COL21A1: variants seen among roughly 807,000 people sequenced by gnomAD.
COL21A1 encodes collagen alpha-1(XXI) chain.
Under a neutral mutation model 137.9 loss-of-function variants are expected in COL21A1, and 149 were observed. The observed-to-expected ratio is 1.08, with a 90% CI of 0.95 to 1.24. The LOEUF (loss-of-function observed/expected upper bound fraction) is 1.24. COL21A1 is among the 50% of genes most tolerant of loss of function. The pLI is 0.00. For missense variants in COL21A1, 1,167 were observed against 1,158.4 expected (o/e 1.01, Z -0.11); for synonymous variants, 456 against 391.5 (o/e 1.16, Z -1.95).
chr6:56,329,010 C>G (rs1765162721), intron 1 of COL21A1, among the ~76,000 whole-genome samples: 1 of 152,054 alleles, frequency 6.6e-6, no homozygotes, highest in Non-Finnish European at 1.5e-5. Context: ...AGCCTGGATT[C>G]AAATCCCAAC....
chr6:56,119,201 CTAT>C (rs1382920403), intron 16 of COL21A1, among the ~76,000 whole-genome samples: 1 of 152,052 alleles, frequency 6.6e-6, no homozygotes, highest in African/African-American at 2.4e-5. Context: ...CACCAACAAA[CTAT>C]TAAACTGATA....
At chr6:56,064,475 T>C (rs2114055448) in intron 24 of COL21A1, 103 bp downstream of exon 24, 2 of 756,140 alleles carry the variant, frequency 2.6e-6, no homozygotes, top group East Asian at 2.7e-5. Context: ...TACTATATTG[T>C]CCTTCTCCCC....
At chr6:56,227,884 T>C (rs564427954) in intron 1 of COL21A1, among the ~76,000 whole-genome samples, 13 of 151,934 alleles carry the variant, frequency 8.6e-5, no homozygotes, top group Non-Finnish European at 1.9e-4. Context: ...TGAGAGGAAA[T>C]GGGTACATTC....
intron 1 of COL21A1, among the ~76,000 whole-genome samples, chr6:56,196,226 T>C (rs947677113): frequency 2.6e-5 from 4 of 152,104 alleles, no homozygotes; most frequent in South Asian, 2.1e-4. Context: ...AACTTCAAGA[T>C]AATAAAAGCC....
intron 1 of COL21A1, among the ~76,000 whole-genome samples, chr6:56,278,615 G>A (rs956288628): frequency 1.2e-4 from 18 of 152,136 alleles, no homozygotes; most frequent in African/African-American, 4.1e-4. Context: ...CATGCAGCAT[G>A]GTATATTTTA....
Position 56,204,564 on chromosome 6 carries a change from C to G in COL21A1, c.-38-21908G>C, listed in dbSNP as rs150723545. ...AGGCTGTGGGTGCAGCTTCAACATA[C>G]GTAAACATCCCTACTTGACAGCTCT... is the stretch of plus-strand genomic sequence containing the variant. On this transcript the variant is annotated intron_variant, in intron 1 of 29. Transcript: ENST00000244728. Among the ~76,000 whole-genome samples the G allele has an allele frequency of 7.8e-3, 1,195 of 152,284 alleles. 20 individuals carry two copies. Among genetic ancestry groups the G allele is most frequent in the African/African-American group, 0.027 (1,132 of 41,554 alleles).
chr6:56,370,252 C>T (rs964773800), intron 1 of COL21A1, among the ~76,000 whole-genome samples: 1 of 152,190 alleles, frequency 6.6e-6, no homozygotes, highest in African/African-American at 2.4e-5. Flanking sequence ...TTGCCTGATT[C>T]AGATCCCGAT....
intron 1 of COL21A1, among the ~76,000 whole-genome samples, chr6:56,283,904 T>C (rs1047188394): frequency 3.4e-5 from 5 of 148,740 alleles, no homozygotes; most frequent in African/African-American, 1.2e-4. Context: ...TCTCTCTCTC[T>C]CCAGCAGTAG....
intron 10 of COL21A1, among the ~76,000 whole-genome samples, chr6:56,147,024 T>G (rs946401967): frequency 1.3e-5 from 2 of 152,156 alleles, no homozygotes; most frequent in African/African-American, 4.8e-5. Context: ...GGTCCTTAAA[T>G]TCACAGAATT....
Position 56,060,938 on chromosome 6 carries a change from G to A in COL21A1, c.2305C>T (p.Pro769Ser), listed in dbSNP as rs769715793. The A allele has an allele frequency of 3.1e-6, 5 of 1,590,736 alleles. No individual in the cohort carries two copies. Among genetic ancestry groups the A allele is most frequent in the South Asian group, 1.1e-5 (1 of 87,708 alleles). ...LMGPAGPKGQPGDPGPQGPPG... is the reference protein window; with the variant it reads ...LMGPAGPKGQSGDPGPQGPPG... ...GGTCCCTGAGGACCTGGATCCCCAG[G>A]TTGCCCCTTAGGACCTGCGGGCCCC... Residue 769 changes from proline to serine, a missense_variant, in exon 26 of 30, where the codon CCT becomes TCT. By Grantham distance (74) the Pro-to-Ser change is moderately conservative (BLOSUM62 -1). Transcript: ENST00000244728.
intron 10 of COL21A1, among the ~76,000 whole-genome samples, chr6:56,156,475 A>G (rs1253613015): frequency 6.6e-6 from 1 of 152,186 alleles, no homozygotes; most frequent in African/African-American, 2.4e-5. Context: ...TGTCTTTCTC[A>G]AGGACCTGAG....
intron 12 of COL21A1, among the ~76,000 whole-genome samples, chr6:56,139,636 A>G (rs180940159): frequency 8.5e-5 from 13 of 152,318 alleles, no homozygotes; most frequent in Admixed American, 2.6e-4. Flanking sequence ...TACTGTTTTA[A>G]CATGTATTCT....
intron 1 of COL21A1, among the ~76,000 whole-genome samples, chr6:56,265,904 C>A (rs755569861): frequency 1.4e-5 from 2 of 146,214 alleles, no homozygotes; most frequent in African/African-American, 2.5e-5. Context: ...TACATTCCAT[C>A]TATCTATGAG....
chr6:56,366,379 G>A (rs1396535020), intron 1 of COL21A1, among the ~76,000 whole-genome samples: 1 of 152,182 alleles, frequency 6.6e-6, no homozygotes, highest in Non-Finnish European at 1.5e-5. Flanking sequence ...AAGTACCGCA[G>A]CAGGAAAATC....
intron 16 of COL21A1, among the ~76,000 whole-genome samples, chr6:56,116,776 T>C (rs1186669687): frequency 6.6e-6 from 1 of 151,946 alleles, no homozygotes; most frequent in Non-Finnish European, 1.5e-5. Context: ...CAATAAAATA[T>C]AAATTGAAAC....
chr6:56,168,101 A>C, intron 6 of COL21A1, 23 bp downstream of exon 6: 1 of 1,420,850 alleles, frequency 7.0e-7, no homozygotes, highest in Non-Finnish European at 9.4e-7. Context: ...TATAATTCAA[A>C]GAGTAAATCA....
At chr6:56,073,598 T>A (rs1308330584) in intron 20 of COL21A1, among the ~76,000 whole-genome samples, 1 of 151,426 alleles carries the variant, frequency 6.6e-6, no homozygotes, top group Non-Finnish European at 1.5e-5. Context: ...TCTGAGTGTT[T>A]TGTCTGATCC....
intron 10 of COL21A1, among the ~76,000 whole-genome samples, chr6:56,156,382 G>T (rs1451692513): frequency 6.6e-6 from 1 of 152,162 alleles, no homozygotes; most frequent in Non-Finnish European, 1.5e-5. Flanking sequence ...TGCTTTAGAG[G>T]ACTTAAAATT....
chr6:56,085,836 T>G (rs1582288317), intron 17 of COL21A1, among the ~76,000 whole-genome samples: 1 of 151,320 alleles, frequency 6.6e-6, no homozygotes, highest in African/African-American at 2.4e-5. Context: ...GCTTGAGAAA[T>G]AGTGTTCTTT....
Sources: gnomAD v4.1 joint callset for allele counts (sites outside exome capture counted in the v4.1 genomes callset) on GRCh38, gnomAD v4.1.1 for gene constraint, MANE v1.5 for transcripts, NCBI Gene and HGNC (gene_info 2026-07-23, HGNC 2026-07-21) for gene names.